Variants in FBXO5 observed in about 807,000 individuals in gnomAD.
FBXO5 encodes the protein F-box only protein 5.
In FBXO5, 8 loss-of-function variants were observed where a neutral mutation model predicts 43.3. That is an observed-to-expected ratio of 0.18 (90% CI 0.11 to 0.33). The LOEUF (loss-of-function observed/expected upper bound fraction) is 0.33, where lower values mean the gene tolerates loss of function less well. Ranked by LOEUF, FBXO5 falls within the 10% of genes least tolerant of loss-of-function variation. The pLI is 1.00. For synonymous variants in FBXO5, 204 were observed against 193.7 expected (o/e 1.05, Z -0.44); for missense variants, 491 against 535.7 (o/e 0.92, Z 0.82).
chr6:152,982,107 A>G (rs529864346), intron 1 of FBXO5, among the ~76,000 whole-genome samples: 1 of 152,290 alleles, frequency 6.6e-6, no homozygotes, highest in Non-Finnish European at 1.5e-5. Flanking sequence ...AGGCCCTGAG[A>G]CTGGGTTAAC....
At chr6:152,978,403 T>G in intron 1 of FBXO5, among the ~76,000 whole-genome samples, 2 of 119,516 alleles carry the variant, frequency 1.7e-5, no homozygotes, top group African/African-American at 6.6e-5. Context: ...GCGGGGGACT[T>G]CTCAGACCTC....
intron 1 of FBXO5, among the ~76,000 whole-genome samples, chr6:152,977,317 A>G (rs1179673722): frequency 6.6e-6 from 1 of 152,224 alleles, no homozygotes; most frequent in African/African-American, 2.4e-5. Context: ...ATACAGCATC[A>G]GTATGTTTAG....
chr6:152,975,139 G>T lies in FBXO5; in HGVS notation c.586C>A (p.His196Asn). Residue 196 changes from histidine to asparagine, a missense_variant, in exon 2 of 5, where the codon CAT becomes AAT. By Grantham distance (68) the His-to-Asn change is moderately conservative. Transcript: ENST00000229758. ...GTTGAACAAACCACTTTTTCAAAAT[G>T]AAGAACTGGCAGCAAGTTTTTGTTG... Reference protein sequence around the residue: ...YPNKNLLPVLHFEKVVCSTLK... With the variant: ...YPNKNLLPVLNFEKVVCSTLK... 6.2e-7 allele frequency: 1 copy of T among 1,614,080 alleles called. No individual in the cohort carries two copies. The highest frequency in any genetic ancestry group is 8.5e-7 in the Non-Finnish European group (1 of 1,179,988).
At chr6:152,973,329 C>G (rs1778115255) in intron 2 of FBXO5, 193 bp from the exon 3 acceptor site, 3 of 533,336 alleles carry the variant, frequency 5.6e-6, no homozygotes, top group Non-Finnish European at 6.7e-6. Context: ...TTTTAAAAAG[C>G]TCCCTCCTCA....
chr6:152,974,955 T>G lies in FBXO5; in HGVS notation c.770A>C (p.His257Pro). The G allele has an allele frequency of 6.2e-7, 1 of 1,611,334 alleles. No individual in the cohort carries two copies. The highest frequency in any genetic ancestry group is 2.2e-5 in the East Asian group (1 of 44,876). Residue 257 changes from histidine to proline, a missense_variant, in exon 2 of 5, where the codon CAT (histidine) becomes CCT (proline). By Grantham distance (77) the His-to-Pro change is moderately conservative. Coordinates refer to ENST00000229758, the MANE Select transcript of FBXO5 (RefSeq NM_012177.5). ...LSELFRRGLR[H>P]VLATILAQLS... ...TTGTGCTAAAATAGTTGCTAAGACATGTCTGAGTCCCCTTCGAAAGAGTTC... is the reference window on the plus strand; with the variant it reads ...TTGTGCTAAAATAGTTGCTAAGACAGGTCTGAGTCCCCTTCGAAAGAGTTC...
At position 152,982,933 on chromosome 6, in the gene FBXO5, G is replaced by A. The variant is rs753721138; in HGVS notation, c.27C>T (p.Ala9=). 38 of 1,443,486 alleles carry A rather than the reference G, an allele frequency of 2.6e-5. No homozygotes were observed. Among genetic ancestry groups the A allele is most frequent in the Non-Finnish European group, 3.3e-5 (37 of 1,107,412 alleles). The allele number at this position is 1,443,486 out of a possible 1,614,324, so 89.4% of individuals were successfully genotyped here. A position where few individuals can be genotyped will look rare whatever the true frequency, so the allele number is the denominator to read the frequency against. ...TGCAGGAGCAGCGGGGTGGCCGTAG[G>A]GCGCAGCTGCAGGGGCGCCGGCTCA... The part of the protein sequence containing the change: MSRRPCSC[A]LRPPRCSCSA... Residue 9 remains alanine (A), a synonymous_variant, in exon 1 of 5, where the codon GCC becomes GCT. Coordinates refer to ENST00000229758, the MANE Select transcript of FBXO5 (RefSeq NM_012177.5).
Position 152,978,524 on chromosome 6 carries a change from A to C in FBXO5, c.104-2903T>G, listed in dbSNP as rs565558365. ...TTATGACAAAATCCAAGCAAATGGC[A>C]GTGCCTGACACAATGAAGACATATG... On this transcript the variant is annotated intron_variant, in intron 1 of 4. Transcript: ENST00000229758. Among the ~76,000 whole-genome samples, 6 of 152,238 alleles carry C rather than the reference A, an allele frequency of 3.9e-5. No individual in the cohort carries two copies. The East Asian group carries it at 9.7e-4, about 25-fold the overall frequency.
chr6:152,971,030 G>T lies in FBXO5; in HGVS notation c.*133C>A. ...GGTTGTCTATCCTCTTTATCTTCTG[G>T]GGGGAAAAAAACCTCAGGATACTAC... is the stretch of plus-strand genomic sequence containing the variant. On this transcript the variant is annotated 3_prime_UTR_variant, in exon 5 of 5. Coordinates refer to ENST00000229758, the MANE Select transcript of FBXO5 (RefSeq NM_012177.5). The T allele has an allele frequency of 2.6e-6, 2 of 772,878 alleles. No individual in the cohort carries two copies. Among genetic ancestry groups the T allele is most frequent in the Non-Finnish European group, 3.8e-6 (2 of 522,030 alleles). 47.9% of individuals were successfully genotyped at this position (772,878 alleles called of 1,614,324 possible). A position where few individuals can be genotyped will look rare whatever the true frequency, so the allele number is the denominator to read the frequency against.
In FBXO5 at chr6:152,983,033, G is replaced by T; in HGVS notation, c.-74C>A. 2.3e-6 allele frequency: 2 copies of T among 867,438 alleles called. No homozygotes were observed. The highest frequency in any genetic ancestry group is 3.2e-6 in the Non-Finnish European group (2 of 620,564). 53.7% of individuals were successfully genotyped at this position (867,438 alleles called of 1,614,324 possible). On this transcript the variant is annotated 5_prime_UTR_variant, in exon 1 of 5. In the 5' UTR this introduces an upstream ATG that the reference lacks. Coordinates refer to ENST00000229758, the MANE Select transcript of FBXO5 (RefSeq NM_012177.5). ...AGCTGAGCAACCTGCCTGCTTCACA[G>T]ACCTGTATCTCTTAAAAGGCGCCAG...
At chr6:152,977,261 A>G (rs1392687079) in intron 1 of FBXO5, among the ~76,000 whole-genome samples, 1 of 152,250 alleles carries the variant, frequency 6.6e-6, no homozygotes, top group Non-Finnish European at 1.5e-5. Context: ...CCATCCCCAC[A>G]CAAGCCAATC....
chr6:152,980,307 G>C (rs1335520042), intron 1 of FBXO5, among the ~76,000 whole-genome samples: 5 of 152,188 alleles, frequency 3.3e-5, no homozygotes, highest in African/African-American at 1.2e-4. Context: ...ATTAATTAGG[G>C]ATGATCTTTC....
At chr6:152,982,642 C>G (rs1778280484) in intron 1 of FBXO5, among the ~76,000 whole-genome samples, 1 of 152,148 alleles carries the variant, frequency 6.6e-6, no homozygotes, top group Admixed American at 6.5e-5. Flanking sequence ...GGCCCGCCAT[C>G]CCGCCCCTGC....
Position 152,978,377 on chromosome 6 carries a change from T to TTGG in FBXO5, c.104-2757_104-2756insCCA, listed in dbSNP as rs1491205604. Among the ~76,000 whole-genome samples the TTGG allele has an allele frequency of 5.7e-4, 12 of 21,126 alleles. 3 individuals carry two copies. The highest frequency in any genetic ancestry group is 6.4e-3 in the East Asian group (2 of 314). 13.9% of individuals were successfully genotyped at this position (21,126 alleles called of 152,430 possible). The stretch of plus-strand genomic sequence containing the variant: ...ATTAATCATGGAGAGCTTCATTTTT[T>TTGG]GGGGGGGGGGGGGGGGCGGGGGACT... On this transcript the variant is annotated intron_variant, in intron 1 of 4. Transcript: ENST00000229758.
chr6:152,975,718 C>T (rs901783438), intron 1 of FBXO5, 97 bp from the exon 2 acceptor site: 71 of 728,474 alleles, frequency 9.7e-5, no homozygotes, highest in Admixed American at 3.1e-4. Flanking sequence ...TGCAATCTCT[C>T]AGCATTAGGT....
At chr6:152,979,439 G>T (rs1778229057) in intron 1 of FBXO5, among the ~76,000 whole-genome samples, 1 of 152,196 alleles carries the variant, frequency 6.6e-6, no homozygotes, top group African/African-American at 2.4e-5. Flanking sequence ...GCTATGATTT[G>T]AACTGTTGTT....
intron 2 of FBXO5, 93 bp from the exon 3 acceptor site, chr6:152,973,229 A>G: frequency 1.0e-6 from 1 of 965,422 alleles, no homozygotes; most frequent in Non-Finnish European, 1.6e-6. Context: ...GCAAAAAGAT[A>G]TTTTATATTA....
In FBXO5 at chr6:152,975,218, G is replaced by A. The variant is rs778911944; in HGVS notation, c.507C>T (p.Phe169=). 17 of 1,613,978 alleles carry A rather than the reference G, an allele frequency of 1.1e-5. No individual in the cohort carries two copies. Among genetic ancestry groups the A allele is most frequent in the Admixed American group, 6.7e-5 (4 of 60,006 alleles). Residue 169 remains phenylalanine (F), a synonymous_variant, in exon 2 of 5, where the codon TTC becomes TTT. Coordinates refer to ENST00000229758, the MANE Select transcript of FBXO5 (RefSeq NM_012177.5). ...GCAGGCAGGATTGTAGACTGTCACC[G>A]AAATTCTCCTCCAGGAGGCTACCTT... ...HEEGSLLEEN[F]GDSLQSCLLQ...
intron 2 of FBXO5, chr6:152,973,677 C>G (rs1053480994): frequency 6.6e-6 from 1 of 152,550 alleles, no homozygotes; most frequent in Non-Finnish European, 1.5e-5. Context: ...TCCTGGCCAA[C>G]ATGGTGAAAC....
In FBXO5 at chr6:152,976,222, A is replaced by G. The variant is rs74753764; in HGVS notation, c.104-601T>C. On this transcript the variant is annotated intron_variant, in intron 1 of 4. Transcript: ENST00000229758. ...TAAAAATTTTGTGTATTATTTCACT[A>G]TTAACAATGATTGCAAGCCTTAAAA... 2.8e-3 allele frequency among the ~76,000 whole-genome samples: 427 copies of G among 152,330 alleles called. 3 individuals are homozygous for G. The highest frequency in any genetic ancestry group is 1.0e-2 in the African/African-American group (415 of 41,570).
Sources: gnomAD v4.1 joint callset for allele counts (sites outside exome capture counted in the v4.1 genomes callset) on GRCh38, gnomAD v4.1.1 for gene constraint, MANE v1.5 for transcripts, NCBI Gene and HGNC (gene_info 2026-07-23, HGNC 2026-07-21) for gene names.